PIDD1: variants seen among roughly 807,000 people sequenced by gnomAD.
PIDD1 encodes p53-induced death domain protein 1, also known as p53-induced death domain-containing protein 1.
In PIDD1, 72 loss-of-function variants were observed where a neutral mutation model predicts 80.0. The observed-to-expected ratio is 0.90, with a 90% CI of 0.74 to 1.09. PIDD1 has a LOEUF of 1.09. PIDD1 is among the 50% of genes least tolerant of loss of function. The pLI, the probability that PIDD1 is intolerant of heterozygous loss-of-function variation, is 0.00. For missense variants in PIDD1, 1,329 were observed against 1,228.3 expected (o/e 1.08, Z -1.23); for synonymous variants, 655 against 543.5 (o/e 1.21, Z -2.85).
Position 799,598 on chromosome 11 carries a change from T to C in PIDD1, c.2475-33A>G, listed in dbSNP as rs752543667. ...CAGAGGATGGGCGACAGAGGGGTCC[T>C]GTCCACCTGCCCAGGACCCCCCACC... On this transcript the variant is annotated intron_variant, in intron 15 of 15. Coordinates refer to ENST00000347755, the MANE Select transcript of PIDD1 (RefSeq NM_145886.4). The C allele has an allele frequency of 4.5e-6, 7 of 1,562,478 alleles. No homozygotes were observed. In the African/African-American group the frequency reaches 8.1e-5, roughly 18 times the overall value.
At chr11:807,532 C>A (rs1004460825), upstream of PIDD1, among the ~76,000 whole-genome samples, 2 of 151,508 alleles carry the variant, frequency 1.3e-5, no homozygotes, top group Admixed American at 6.6e-5. Flanking sequence ...AATCCCAGCA[C>A]TTTGGGAGGC....
At position 804,077 on chromosome 11, in the gene PIDD1, G is replaced by A. The variant is rs754734104; in HGVS notation, c.295+17C>T. ...GAGCGAGAGATGGAGACAGGGCCCA[G>A]AACAGGTGGAACTCACCTTTGAGGA... On this transcript the variant is annotated intron_variant, in intron 2 of 15. Transcript: ENST00000347755. 36 of 1,593,014 alleles carry A rather than the reference G, an allele frequency of 2.3e-5. No homozygotes were observed. The highest frequency in any genetic ancestry group is 1.3e-5 in the African/African-American group (1 of 74,564).
chr11:808,508 C>G (rs938912284), upstream of PIDD1, among the ~76,000 whole-genome samples: 1 of 152,260 alleles, frequency 6.6e-6, no homozygotes, highest in East Asian at 1.9e-4. Context: ...GTGGGAGGAT[C>G]GCTTGAGCCC....
At chr11:803,142 G>A (rs959224930) in intron 3 of PIDD1, 32 bp downstream of exon 3, 1 of 1,479,680 alleles carries the variant, frequency 6.8e-7, no homozygotes, top group Non-Finnish European at 9.2e-7. Context: ...CCTCCCGTGG[G>A]GCCAGTGTGT....
chr11:804,351 G>A lies in PIDD1; in HGVS notation c.38C>T (p.Ala13Val). The A allele has an allele frequency of 6.2e-7, 1 of 1,608,346 alleles. No homozygotes were observed. Residue 13 changes from alanine to valine, a missense_variant, in exon 2 of 16, where the codon GCT (alanine) becomes GTT (valine). Transcript: ENST00000347755. ...ATVEGPELEAAAAAGDASEDS... is the reference protein window; with the variant it reads ...ATVEGPELEAVAAAGDASEDS... ...CTCTGAAGCATCTCCTGCGGCAGCA[G>A]CTGCCTCCAGCTCTGGCCCCTCCAC...
At chr11:800,953 G>A (rs779508859) in intron 10 of PIDD1, 32 bp downstream of exon 10, 2 of 1,585,526 alleles carry the variant, frequency 1.3e-6, no homozygotes, top group South Asian at 1.1e-5. Flanking sequence ...CAGACTGGGG[G>A]AGGGGGGCTG....
chr11:799,936 C>T lies in PIDD1; in HGVS notation c.2353G>A (p.Gly785Ser), dbSNP rs201365934. Residue 785 changes from glycine (G) to serine (S), a missense_variant, in exon 15 of 16, where the codon GGC becomes AGC. By Grantham distance (56) the Gly-to-Ser change is moderately conservative. Coordinates refer to ENST00000347755, the MANE Select transcript of PIDD1 (RefSeq NM_145886.4). ...AGCAGGTTGCTCTGCGTCAGAAAGC[C>T]GGTCTCGGCATCTCCCAGATTCAAG... ...APLNLGDAET[G>S]FLTQSNLLSV... 2.0e-5 allele frequency: 32 copies of T among 1,612,692 alleles called. No homozygotes were observed. The highest frequency in any genetic ancestry group is 5.0e-5 in the Admixed American group (3 of 59,998).
At chr11:803,845 C>T in intron 2 of PIDD1, 1 of 626,396 alleles carries the variant, frequency 1.6e-6, no homozygotes, top group South Asian at 2.0e-5. Context: ...GCACTGTGGT[C>T]TGGAGAGACC....
chr11:805,390 G>A (rs1475406389), upstream of PIDD1: 3 of 342,150 alleles, frequency 8.8e-6, no homozygotes, highest in African/African-American at 6.6e-5. Context: ...CGCAGCCCCG[G>A]AGACGCGGAC....
rs1865540553 is a variant in PIDD1, at chr11:803,392, G to A, written c.491C>T (p.Pro164Leu). 6.2e-7 allele frequency: 1 copy of A among 1,614,030 alleles called. No individual in the cohort carries two copies. The change falls in exon 3 of 16, where the codon CCT (proline) becomes CTT (leucine). Residue 164 changes from proline to leucine, a missense_variant. Transcript: ENST00000347755. The part of the protein sequence containing the change: ...LLSHNCLSEL[P>L]EALGALPALT... The stretch of plus-strand genomic sequence containing the variant: ...GGCGGGGAGGGCCCCCAGAGCCTCA[G>A]GCAGCTCAGAGAGGCAGTTGTGAGA...
rs781768160 is a variant in PIDD1 at position 802,744 on chromosome 11, G to T, written c.857C>A (p.Pro286His). ...RDLPPELLDA[P>H]FVRLQGNPLG... The stretch of plus-strand genomic sequence containing the variant: ...GGGGTTCCCCTGCAGGCGCACAAAG[G>T]GGGCGTCTAGCAGCTCAGGGGGCAG... The change falls in exon 4 of 16, where the codon CCC (proline) becomes CAC (histidine). Residue 286 changes from proline (P) to histidine (H), a missense_variant. By Grantham distance (77) the Pro-to-His change is moderately conservative (BLOSUM62 -2). Transcript: ENST00000347755. 8.7e-6 allele frequency: 14 copies of T among 1,611,458 alleles called. No homozygotes were observed. Among genetic ancestry groups the T allele is most frequent in the Non-Finnish European group, 9.3e-6 (11 of 1,179,374 alleles).
At position 802,796 on chromosome 11, in the gene PIDD1, C is replaced by T. The variant is rs202145574; in HGVS notation, c.805G>A (p.Asp269Asn). 1.6e-4 allele frequency: 260 copies of T among 1,605,392 alleles called. No individual in the cohort carries two copies. The highest frequency in any genetic ancestry group is 4.0e-5 in the African/African-American group (3 of 74,934). ...TCCCGGAGCTGGTTGTCCCTCAGGT[C>T]GAGCCGGGTGAGGAGTGGAAGGCGG... is the stretch of plus-strand genomic sequence containing the variant. ...LARLPLLTRL[D>N]LRDNQLRDLP... Residue 269 changes from aspartate (D) to asparagine (N), a missense_variant, in exon 4 of 16, where the codon GAC (aspartate) becomes AAC (asparagine). By Grantham distance (23) the Asp-to-Asn change is conservative. Coordinates refer to ENST00000347755, the MANE Select transcript of PIDD1 (RefSeq NM_145886.4).
intron 3 of PIDD1, 73 bp from the exon 4 acceptor site, chr11:802,964 C>T (rs1865500023): frequency 7.6e-7 from 1 of 1,313,682 alleles, no homozygotes; most frequent in African/African-American, 1.5e-5. Context: ...CTGCCGCCTC[C>T]CAGAGCAGCT....
intron 7 of PIDD1, 104 bp downstream of exon 7, chr11:801,861 G>C: frequency 1.4e-6 from 2 of 1,434,632 alleles, no homozygotes. Context: ...GATCCAGGAG[G>C]GACGGGGCAG....
chr11:801,922 A>T, intron 7 of PIDD1, 43 bp downstream of exon 7: 1 of 1,591,438 alleles, frequency 6.3e-7, no homozygotes, highest in South Asian at 1.1e-5. Flanking sequence ...GGCTCAGGGC[A>T]GCAGCTCTCC....
rs759939358 is a variant in PIDD1, at chr11:799,842, T to TC, written c.2446dup (p.Glu816GlyfsTer12). Reference sequence around the variant, plus strand: ...GAACTCGTGCCGGATGCGCTGCACCTCCCGGTAGGACACCCCCAGGTGCAG... The same window carrying TC: ...GAACTCGTGCCGGATGCGCTGCACCTCCCCGGTAGGACACCCCCAGGTGCAG... On this transcript the variant is annotated frameshift_variant, in exon 15 of 16. Coordinates refer to ENST00000347755, the MANE Select transcript of PIDD1 (RefSeq NM_145886.4). LOFTEE classifies it high-confidence loss of function. 2 of 1,603,716 alleles carry TC rather than the reference T, an allele frequency of 1.2e-6. No homozygotes were observed. Among genetic ancestry groups the TC allele is most frequent in the Non-Finnish European group, 1.7e-6 (2 of 1,175,964 alleles).
chr11:804,279 C>G lies in PIDD1; in HGVS notation c.110G>C (p.Arg37Pro). 1.2e-6 allele frequency: 2 copies of G among 1,612,966 alleles called. No homozygotes were observed. Among genetic ancestry groups the G allele is most frequent in the Non-Finnish European group, 1.7e-6 (2 of 1,179,982 alleles). The change falls in exon 2 of 16, where the codon CGG becomes CCG. Residue 37 changes from arginine (R) to proline (P), a missense_variant. Arg to Pro is a moderately radical substitution (Grantham distance 103). Transcript: ENST00000347755. Reference sequence around the variant, plus strand: ...CCCGGGGTACAGGTCCAAGCTCAGCCGGTTGCCGCCCAGGAAAGGCAGCGC... The same window carrying G: ...CCCGGGGTACAGGTCCAAGCTCAGCGGGTTGCCGCCCAGGAAAGGCAGCGC... ...SRALPFLGGN[R>P]LSLDLYPGGC...
Position 803,542 on chromosome 11 carries a change from A to G in PIDD1, c.341T>C (p.Leu114Pro). The change falls in exon 3 of 16, where the codon CTG becomes CCG. Residue 114 changes from leucine (L) to proline (P), a missense_variant. By Grantham distance (98) the Leu-to-Pro change is moderately conservative. Transcript: ENST00000347755. ...DTLGACLRGALTNLPAGLSGL... is the reference protein window; with the variant it reads ...DTLGACLRGAPTNLPAGLSGL... Reference sequence around the variant, plus strand: ...ACTCAGACCAGCGGGCAGGTTGGTCAGGGCACCCCGGAGACAGGCACCCAG... The same window carrying G: ...ACTCAGACCAGCGGGCAGGTTGGTCGGGGCACCCCGGAGACAGGCACCCAG... The G allele has an allele frequency of 6.2e-7, 1 of 1,612,934 alleles. No homozygotes were observed. The highest frequency in any genetic ancestry group is 2.2e-5 in the East Asian group (1 of 44,876).
Position 801,598 on chromosome 11 carries a change from G to T in PIDD1, c.1329C>A (p.Pro443=). 6.4e-7 allele frequency: 1 copy of T among 1,564,130 alleles called. No individual in the cohort carries two copies. The highest frequency in any genetic ancestry group is 8.7e-7 in the Non-Finnish European group (1 of 1,154,750). ...AAACCACAAGGAACCAGGAGAAGTGGGGCACCTGGCAGTGAGCCCAGAGCC... is the reference window on the plus strand; with the variant it reads ...AAACCACAAGGAACCAGGAGAAGTGTGGCACCTGGCAGTGAGCCCAGAGCC... ...PQRLWAHCQV[P]HFSWFLVVSR... Residue 443 remains proline, a synonymous_variant, in exon 8 of 16, where the codon CCC becomes CCA. Coordinates refer to ENST00000347755, the MANE Select transcript of PIDD1 (RefSeq NM_145886.4).
Sources: allele counts gnomAD v4.1 joint callset (sites outside exome capture counted in the v4.1 genomes callset), GRCh38; gene constraint gnomAD v4.1.1; transcripts MANE v1.5; gene names NCBI Gene and HGNC (gene_info 2026-07-23, HGNC 2026-07-21).